Variants in LIPH observed in about 807,000 individuals in gnomAD.
LIPH encodes lipase member H.
LIPH carries 32 observed loss-of-function variants against 47.6 expected under a neutral mutation model. That is an observed-to-expected ratio of 0.67 (90% CI 0.51 to 0.90). The LOEUF (loss-of-function observed/expected upper bound fraction) is 0.90, where lower values mean the gene tolerates loss of function less well. Ranked by LOEUF, LIPH falls within the 40% of genes least tolerant of loss-of-function variation. The probability of loss-of-function intolerance (pLI) is 0.00; values close to 1 mark genes in which losing one functional copy is unlikely to be tolerated. For missense variants in LIPH, 497 were observed against 541.4 expected (o/e 0.92, Z 0.81); for synonymous variants, 190 against 195.6 (o/e 0.97, Z 0.24).
At chr3:185,543,549 C>T (rs1720777879) in intron 1 of LIPH, among the ~76,000 whole-genome samples, 1 of 152,150 alleles carries the variant, frequency 6.6e-6, no homozygotes, top group Non-Finnish European at 1.5e-5. Context: ...TGTTTGAGGC[C>T]ACTTAATGGG....
rs1719871286 is a variant in LIPH at position 185,520,516 on chromosome 3, CAAAAAAAAAGA to C, written c.719-1218_719-1208del. On this transcript the variant is annotated intron_variant, in intron 5 of 9. Transcript: ENST00000296252. Reference sequence around the variant, plus strand: ...TGGGCGATAGAGCAAGACTCCATCCCAAAAAAAAAGAAAAAAAAAAGCAAATTGCAAATCAT... The same window carrying C: ...TGGGCGATAGAGCAAGACTCCATCCCAAAAAAAAAGCAAATTGCAAATCAT... 2.8e-5 allele frequency among the ~76,000 whole-genome samples: 4 copies of C among 143,064 alleles called. No homozygotes were observed. In the South Asian group the frequency reaches 6.6e-4, roughly 24 times the overall value. 93.9% of individuals were successfully genotyped at this position (143,064 alleles called of 152,430 possible). A position where few individuals can be genotyped will look rare whatever the true frequency, so the allele number is the denominator to read the frequency against.
intron 3 of LIPH, 94 bp from the exon 4 acceptor site, chr3:185,527,679 G>T (rs1314495067): frequency 7.4e-6 from 6 of 809,518 alleles, no homozygotes; most frequent in African/African-American, 1.8e-5. Context: ...CTCCCAGGCT[G>T]CAGGGCACCC....
At chr3:185,511,142 C>T (rs13091728) in intron 9 of LIPH, among the ~76,000 whole-genome samples, 28,317 of 152,000 alleles carry the variant, frequency 0.19, 3,057 homozygotes, top group East Asian at 0.44. Context: ...AAGTGATCCT[C>T]TCACCTCAGC....
In LIPH at chr3:185,538,441, T is replaced by A. The variant is rs78388886; in HGVS notation, c.50-3309A>T. 8.1e-3 allele frequency among the ~76,000 whole-genome samples: 1,240 copies of A among 152,284 alleles called. 17 individuals carry two copies. Among genetic ancestry groups the A allele is most frequent in the African/African-American group, 0.028 (1,167 of 41,548 alleles). On this transcript the variant is annotated intron_variant, in intron 1 of 9. Coordinates refer to ENST00000296252, the MANE Select transcript of LIPH (RefSeq NM_139248.3). ...GAAAACTTAAATAGGGAGCTTGGTC[T>A]GGTCTGGGGATCAGGAATCTTCTTT...
chr3:185,528,993 A>G (rs1410034819), intron 3 of LIPH, among the ~76,000 whole-genome samples: 29 of 136,304 alleles, frequency 2.1e-4, no homozygotes, highest in African/African-American at 8.2e-4. Context: ...GAAACCCCGT[A>G]TCTATTAAAA....
At chr3:185,512,871 G>A (rs1322826335) in intron 8 of LIPH, among the ~76,000 whole-genome samples, 3 of 152,164 alleles carry the variant, frequency 2.0e-5, no homozygotes, top group African/African-American at 7.2e-5. Flanking sequence ...GTCCCATGGA[G>A]TACAGAAGTG....
intron 1 of LIPH, among the ~76,000 whole-genome samples, chr3:185,547,332 G>T (rs1002071678): frequency 2.6e-5 from 4 of 152,108 alleles, no homozygotes; most frequent in African/African-American, 9.7e-5. Context: ...ACCTTGACGT[G>T]TAGTGCCCAG....
chr3:185,545,360 G>A (rs1265976645), intron 1 of LIPH, among the ~76,000 whole-genome samples: 1 of 152,140 alleles, frequency 6.6e-6, no homozygotes, highest in Non-Finnish European at 1.5e-5. Flanking sequence ...GGATACCAGG[G>A]CAATCTCACT....
chr3:185,543,567 T>A (rs1049424491), intron 1 of LIPH, among the ~76,000 whole-genome samples: 14 of 152,168 alleles, frequency 9.2e-5, no homozygotes, highest in African/African-American at 3.1e-4. Context: ...GGGACATAAC[T>A]AACACAAATA....
intron 1 of LIPH, among the ~76,000 whole-genome samples, chr3:185,543,500 C>T (rs1157455062): frequency 6.6e-6 from 1 of 152,216 alleles, no homozygotes; most frequent in Non-Finnish European, 1.5e-5. Flanking sequence ...TAACCTTGGA[C>T]TTCCCCTAGG....
At chr3:185,518,900 T>G (rs777873239) in intron 6 of LIPH, among the ~76,000 whole-genome samples, 47 of 151,706 alleles carry the variant, frequency 3.1e-4, no homozygotes, top group Non-Finnish European at 5.2e-4. Flanking sequence ...ACTTTTTGTA[T>G]TTTTGTAGAG....
At chr3:185,511,734 A>C in intron 8 of LIPH, 37 bp from the exon 9 acceptor site, 1 of 1,484,810 alleles carries the variant, frequency 6.7e-7, no homozygotes, top group Middle Eastern at 1.7e-4. Context: ...ATGGATAAAG[A>C]CTACTAATGA....
At chr3:185,552,059 A>T (rs1721063602) in intron 1 of LIPH, among the ~76,000 whole-genome samples, 2 of 152,208 alleles carry the variant, frequency 1.3e-5, no homozygotes, top group South Asian at 4.1e-4. Flanking sequence ...CCAGAAAATA[A>T]ATCATCTCAT....
intron 1 of LIPH, among the ~76,000 whole-genome samples, chr3:185,544,792 G>A (rs1577690660): frequency 3.3e-5 from 5 of 152,140 alleles, no homozygotes; most frequent in Admixed American, 3.3e-4. Flanking sequence ...TATTCTCAGT[G>A]CCAAGAACAG....
At chr3:185,541,365 C>T (rs928396398) in intron 1 of LIPH, among the ~76,000 whole-genome samples, 1 of 151,022 alleles carries the variant, frequency 6.6e-6, no homozygotes, top group Non-Finnish European at 1.5e-5. Flanking sequence ...CAAATACAGT[C>T]GATTCTCATT....
At chr3:185,547,218 C>G (rs1720903399) in intron 1 of LIPH, among the ~76,000 whole-genome samples, 1 of 151,926 alleles carries the variant, frequency 6.6e-6, no homozygotes, top group Admixed American at 6.6e-5. Context: ...CCACTGACCT[C>G]CAAACCTACA....
At chr3:185,526,619 ATAAAAT>A (rs1287931206) in intron 4 of LIPH, among the ~76,000 whole-genome samples, 7 of 27,604 alleles carry the variant, frequency 2.5e-4, no homozygotes, top group African/African-American at 4.0e-4. Flanking sequence ...AAATAAAATA[ATAAAAT>A]AAAATATAAA....
Position 185,506,830 on chromosome 3 carries a change from TAAAAAAAAAAAAAAAAAAAAA to T in LIPH, c.*1939_*1959del, listed in dbSNP as rs58962402. 5.8e-4 allele frequency: 29 copies of T among 50,102 alleles called. No homozygotes were observed. Among genetic ancestry groups the T allele is most frequent in the Admixed American group, 2.2e-3 (7 of 3,128 alleles). 3.1% of individuals were successfully genotyped at this position (50,102 alleles called of 1,614,324 possible). ...CTGGGTAACAGAAGGAGACTCCATC[TAAAAAAAAAAAAAAAAAAAAA>T]AAAAAAAAACCAGGGCCTACAGCAC... On this transcript the variant is annotated 3_prime_UTR_variant, in exon 10 of 10. Coordinates refer to ENST00000296252, the MANE Select transcript of LIPH (RefSeq NM_139248.3).
chr3:185,510,311 C>T (rs1390383256), intron 9 of LIPH, among the ~76,000 whole-genome samples: 1 of 152,166 alleles, frequency 6.6e-6, no homozygotes, highest in Non-Finnish European at 1.5e-5. Context: ...TCCTGTCTCC[C>T]TCTCTGTCCA....
Sources: allele counts gnomAD v4.1 joint callset (sites outside exome capture counted in the v4.1 genomes callset), GRCh38; gene constraint gnomAD v4.1.1; transcripts MANE v1.5; gene names NCBI Gene and HGNC (gene_info 2026-07-23, HGNC 2026-07-21).